The following CCDC192 variants were observed in gnomAD, a reference collection of about 807,000 sequenced individuals.
CCDC192 encodes the protein coiled-coil domain containing 192.
At chr5:127,752,975 C>G (rs560848204) in intron 2 of CCDC192, among the ~76,000 whole-genome samples, 3 of 152,092 alleles carry the variant, frequency 2.0e-5, no homozygotes, top group South Asian at 2.1e-4. Context: ...CTTTGGGTCG[C>G]GTCGGTGTGC....
At chr5:127,865,071 C>T (rs763025861) in intron 5 of CCDC192, among the ~76,000 whole-genome samples, 2 of 152,158 alleles carry the variant, frequency 1.3e-5, no homozygotes, top group African/African-American at 4.8e-5. Flanking sequence ...TGCTTCAACC[C>T]GGGAGGCGGA....
chr5:127,900,446 A>T (rs543810274), intron 6 of CCDC192, among the ~76,000 whole-genome samples: 48 of 152,294 alleles, frequency 3.2e-4, no homozygotes, highest in African/African-American at 1.2e-3. Flanking sequence ...ATTCCGAAAA[A>T]CATGTGAGAT....
At chr5:127,721,586 C>T (rs1029072875) in intron 2 of CCDC192, among the ~76,000 whole-genome samples, 4 of 152,156 alleles carry the variant, frequency 2.6e-5, no homozygotes, top group Non-Finnish European at 4.4e-5. Flanking sequence ...TTACTGAGTC[C>T]CAAAGCTGCT....
chr5:127,850,926 AC>A (rs1750768406), intron 5 of CCDC192, among the ~76,000 whole-genome samples: 1 of 152,218 alleles, frequency 6.6e-6, no homozygotes, highest in South Asian at 2.1e-4. Context: ...AGGCCACACC[AC>A]TGCACTCCAG....
At chr5:127,766,608 TAAAAAAAAAA>T (rs548715145) in intron 3 of CCDC192, among the ~76,000 whole-genome samples, 1 of 98,954 alleles carries the variant, frequency 1.0e-5, no homozygotes, top group Non-Finnish European at 1.9e-5. Flanking sequence ...ACGTCCTGTG[TAAAAAAAAAA>T]AAAAAAAAAA....
intron 5 of CCDC192, among the ~76,000 whole-genome samples, chr5:127,808,755 CTT>C (rs922448881): frequency 6.6e-6 from 1 of 152,138 alleles, no homozygotes; most frequent in Non-Finnish European, 1.5e-5. Flanking sequence ...CCATGGATCT[CTT>C]TTTTGCCTTT....
At position 127,848,739 on chromosome 5, in the gene CCDC192, G is replaced by T. The variant is rs1298460066; in HGVS notation, c.412-26799G>T. Among the ~76,000 whole-genome samples the T allele has an allele frequency of 7.2e-5, 11 of 152,192 alleles. 1 individual carries two copies. The highest frequency in any genetic ancestry group is 7.2e-4 in the Admixed American group (11 of 15,282). On this transcript the variant is annotated intron_variant, in intron 5 of 6. Transcript: ENST00000514853. ...AAGTGCTTAGAATAGTATCTGGCAT[G>T]CAGAAAGTACTGAATAAGAATTAGC...
At chr5:127,937,096 G>T (rs930310494) in intron 6 of CCDC192, among the ~76,000 whole-genome samples, 1 of 152,174 alleles carries the variant, frequency 6.6e-6, no homozygotes, top group Admixed American at 6.5e-5. Flanking sequence ...ATTTAGAAAT[G>T]GAACAAAATA....
At chr5:127,887,572 A>G (rs1410990581) in intron 6 of CCDC192, among the ~76,000 whole-genome samples, 1 of 152,148 alleles carries the variant, frequency 6.6e-6, no homozygotes, top group African/African-American at 2.4e-5. Context: ...ATGACTGCCA[A>G]AACCTCTGGA....
At chr5:127,858,598 A>C (rs1751210221) in intron 5 of CCDC192, among the ~76,000 whole-genome samples, 1 of 152,198 alleles carries the variant, frequency 6.6e-6, no homozygotes, top group Non-Finnish European at 1.5e-5. Flanking sequence ...AAAGCCAGAG[A>C]CTATGATTGT....
chr5:127,752,918 A>T (rs1754308143), intron 2 of CCDC192, among the ~76,000 whole-genome samples: 1 of 151,952 alleles, frequency 6.6e-6, no homozygotes, highest in Non-Finnish European at 1.5e-5. Context: ...AGGAAAGGGA[A>T]CTCCCTGACC....
At chr5:127,758,061 C>A (rs912556214) in intron 3 of CCDC192, among the ~76,000 whole-genome samples, 6 of 151,828 alleles carry the variant, frequency 4.0e-5, no homozygotes, top group African/African-American at 1.5e-4. Flanking sequence ...TGGAAGCTTG[C>A]AATATTATCA....
At chr5:127,921,402 T>C (rs1054157008) in intron 6 of CCDC192, among the ~76,000 whole-genome samples, 7 of 152,172 alleles carry the variant, frequency 4.6e-5, no homozygotes, top group Non-Finnish European at 8.8e-5. Context: ...CATCATTGCC[T>C]CCAATTTAAC....
chr5:127,889,629 T>A (rs1406515108), intron 6 of CCDC192, among the ~76,000 whole-genome samples: 1 of 152,208 alleles, frequency 6.6e-6, no homozygotes, highest in Non-Finnish European at 1.5e-5. Flanking sequence ...CTTGAACTCC[T>A]GACCTCAGGT....
At chr5:127,884,119 G>A (rs979191328) in intron 6 of CCDC192, among the ~76,000 whole-genome samples, 2 of 151,976 alleles carry the variant, frequency 1.3e-5, no homozygotes, top group East Asian at 1.9e-4. Flanking sequence ...TGAGGCAGGA[G>A]GATCACAAGG....
At chr5:127,901,014 T>C (rs984589429) in intron 6 of CCDC192, among the ~76,000 whole-genome samples, 1 of 152,186 alleles carries the variant, frequency 6.6e-6, no homozygotes, top group South Asian at 2.1e-4. Flanking sequence ...GGAGAATACA[T>C]ATTTTGGTTA....
At chr5:127,850,597 C>T (rs56249241) in intron 5 of CCDC192, among the ~76,000 whole-genome samples, 2 of 152,166 alleles carry the variant, frequency 1.3e-5, no homozygotes, top group African/African-American at 4.8e-5. Flanking sequence ...ATTCCCTGCA[C>T]TGAGAGTTGA....
At chr5:127,772,753 A>G (rs560309797) in intron 3 of CCDC192, among the ~76,000 whole-genome samples, 2 of 152,334 alleles carry the variant, frequency 1.3e-5, no homozygotes, top group African/African-American at 4.8e-5. Context: ...TAGTTCAATC[A>G]TGATTCATGT....
chr5:127,830,345 C>T (rs754575506), intron 5 of CCDC192, among the ~76,000 whole-genome samples: 4 of 152,112 alleles, frequency 2.6e-5, no homozygotes, highest in Non-Finnish European at 4.4e-5. Context: ...GTGAGGGCTG[C>T]CATAACAACA....
Sources: allele counts gnomAD v4.1 joint callset (sites outside exome capture counted in the v4.1 genomes callset), GRCh38; gene constraint gnomAD v4.1.1; transcripts MANE v1.5; gene names NCBI Gene and HGNC (gene_info 2026-07-23, HGNC 2026-07-21).